Variants in ADAMTS12 observed in about 807,000 individuals in gnomAD.
ADAMTS12 encodes A disintegrin and metalloproteinase with thrombospondin motifs 12.
Under a neutral mutation model 167.8 loss-of-function variants are expected in ADAMTS12, and 118 were observed. The ratio of observed to expected loss-of-function variants is 0.70; its 90% CI spans 0.61 to 0.82. The LOEUF (loss-of-function observed/expected upper bound fraction) is 0.82. Ranked by LOEUF, ADAMTS12 falls within the 40% of genes least tolerant of loss-of-function variation. ADAMTS12 has a pLI of 0.00. For missense variants in ADAMTS12, 1,916 were observed against 1,998.8 expected (o/e 0.96, Z 0.79); for synonymous variants, 704 against 716.9 (o/e 0.98, Z 0.29).
chr5:33,839,756 G>A (rs1748673968), intron 2 of ADAMTS12, among the ~76,000 whole-genome samples: 1 of 152,074 alleles, frequency 6.6e-6, no homozygotes, highest in Non-Finnish European at 1.5e-5. Context: ...GTTGTATCGC[G>A]TTCTTCACTG....
At chr5:33,685,424 G>A (rs1301407893) in intron 3 of ADAMTS12, among the ~76,000 whole-genome samples, 1 of 152,166 alleles carries the variant, frequency 6.6e-6, no homozygotes, top group African/African-American at 2.4e-5. Flanking sequence ...ACCCTGAGTT[G>A]GGACAACTAA....
chr5:33,595,928 G>A lies in ADAMTS12; in HGVS notation c.2654+6C>T. On this transcript the variant is annotated splice_donor_region_variant and intron_variant, in intron 17 of 23. Coordinates refer to ENST00000504830, the MANE Select transcript of ADAMTS12 (RefSeq NM_030955.4). ...ACACAGAGCTCCAGCTGTTAGCGAT[G>A]GTTACCTGGGTGGACAAGCCTTTTC... The A allele has an allele frequency of 1.2e-6, 2 of 1,613,946 alleles. No homozygotes were observed. Among genetic ancestry groups the A allele is most frequent in the South Asian group, 1.1e-5 (1 of 91,036 alleles).
intron 7 of ADAMTS12, among the ~76,000 whole-genome samples, chr5:33,657,348 C>T (rs936704547): frequency 2.6e-5 from 4 of 152,160 alleles, no homozygotes; most frequent in Non-Finnish European, 5.9e-5. Flanking sequence ...GAGATCCAGG[C>T]TGGTGGATAC....
At chr5:33,874,954 G>C (rs186774241) in intron 2 of ADAMTS12, among the ~76,000 whole-genome samples, 2 of 152,106 alleles carry the variant, frequency 1.3e-5, no homozygotes, top group African/African-American at 4.8e-5. Context: ...TATAATCCTG[G>C]CTACTCGGGA....
chr5:33,869,570 G>A (rs571361726), intron 2 of ADAMTS12, among the ~76,000 whole-genome samples: 23 of 152,238 alleles, frequency 1.5e-4, no homozygotes, highest in African/African-American at 5.5e-4. Context: ...CAGGTTCTGT[G>A]ATGCCCCCTG....
At chr5:33,756,662 A>G (rs1745178454) in intron 2 of ADAMTS12, among the ~76,000 whole-genome samples, 1 of 152,120 alleles carries the variant, frequency 6.6e-6, no homozygotes, top group Non-Finnish European at 1.5e-5. Flanking sequence ...GAAGAGAGTG[A>G]CCAGTGATGT....
chr5:33,802,214 C>T (rs1343820127), intron 2 of ADAMTS12, among the ~76,000 whole-genome samples: 1 of 152,182 alleles, frequency 6.6e-6, no homozygotes, highest in Non-Finnish European at 1.5e-5. Flanking sequence ...AAGCCACTCA[C>T]ATATAGTATT....
At chr5:33,794,834 G>A (rs988429574) in intron 2 of ADAMTS12, among the ~76,000 whole-genome samples, 7 of 152,154 alleles carry the variant, frequency 4.6e-5, no homozygotes, top group Non-Finnish European at 8.8e-5. Context: ...AAAGTGGTAT[G>A]ATCTCCAGCA....
At chr5:33,838,646 C>T (rs879847462) in intron 2 of ADAMTS12, among the ~76,000 whole-genome samples, 7 of 152,106 alleles carry the variant, frequency 4.6e-5, no homozygotes, top group Admixed American at 2.0e-4. Flanking sequence ...CGTGCCACTG[C>T]GCTCCAGCCT....
intron 17 of ADAMTS12, among the ~76,000 whole-genome samples, chr5:33,591,369 T>A (rs1469850241): frequency 6.6e-6 from 1 of 152,208 alleles, no homozygotes; most frequent in Non-Finnish European, 1.5e-5. Flanking sequence ...ATTACTCAGA[T>A]AAATGAAAGT....
rs183388124 is a variant in ADAMTS12, at chr5:33,577,222, T to C, written c.2866-62A>G. 4.9e-4 allele frequency: 794 copies of C among 1,608,460 alleles called. 9 individuals carry two copies. The East Asian group carries it at 0.015, about 30-fold the overall frequency. On this transcript the variant is annotated intron_variant, in intron 18 of 23. Transcript: ENST00000504830. Reference sequence around the variant, plus strand: ...AGATGCTTTTATTCTCATGGTTAGGTCTATAACAGATCAAAACAGGCCTGA... The same window carrying C: ...AGATGCTTTTATTCTCATGGTTAGGCCTATAACAGATCAAAACAGGCCTGA...
At chr5:33,588,957 C>G in intron 17 of ADAMTS12, 148 bp from the exon 18 acceptor site, 1 of 941,832 alleles carries the variant, frequency 1.1e-6, no homozygotes, top group African/African-American at 1.7e-5. Context: ...GTGCTGCAGA[C>G]AGGGCCACCG....
In ADAMTS12 at chr5:33,619,067, G is replaced by A. The variant is rs112845170; in HGVS notation, c.2144-2995C>T. Among the ~76,000 whole-genome samples the A allele has an allele frequency of 4.4e-3, 663 of 152,272 alleles. 7 individuals are homozygous for A. Among genetic ancestry groups the A allele is most frequent in the African/African-American group, 0.015 (622 of 41,570 alleles). ...GCAAGTAGGTCACTTTGATGCCTTT[G>A]GTGCTGAGTTCATGGGTAGCCAGGG... On this transcript the variant is annotated intron_variant, in intron 14 of 23. Transcript: ENST00000504830.
At chr5:33,566,117 A>G (rs1397013767) in intron 19 of ADAMTS12, among the ~76,000 whole-genome samples, 1 of 152,154 alleles carries the variant, frequency 6.6e-6, no homozygotes, top group Non-Finnish European at 1.5e-5. Context: ...TGAAAATTCA[A>G]ATTTAACAGT....
intron 3 of ADAMTS12, among the ~76,000 whole-genome samples, chr5:33,689,457 C>T (rs996901869): frequency 1.3e-5 from 2 of 152,108 alleles, no homozygotes; most frequent in Non-Finnish European, 2.9e-5. Context: ...CCCAAACCAG[C>T]TGAGTCCTAG....
chr5:33,661,773 G>A, intron 6 of ADAMTS12, 143 bp downstream of exon 6: 4 of 1,149,650 alleles, frequency 3.5e-6, no homozygotes, highest in Non-Finnish European at 4.9e-6. Context: ...GGGAAGTCAG[G>A]AGTTGACTAG....
At chr5:33,625,713 G>A (rs1032367650) in intron 13 of ADAMTS12, among the ~76,000 whole-genome samples, 1 of 152,104 alleles carries the variant, frequency 6.6e-6, no homozygotes, top group Non-Finnish European at 1.5e-5. Flanking sequence ...AGGGTTGGGG[G>A]AAGGAGACAC....
chr5:33,866,357 TAATA>T (rs1178558988), intron 2 of ADAMTS12, among the ~76,000 whole-genome samples: 1 of 152,098 alleles, frequency 6.6e-6, no homozygotes, highest in Non-Finnish European at 1.5e-5. Flanking sequence ...ACATCCTGTT[TAATA>T]AATAAATGGT....
intron 2 of ADAMTS12, among the ~76,000 whole-genome samples, chr5:33,788,161 T>C (rs758715033): frequency 6.6e-6 from 1 of 152,212 alleles, no homozygotes; most frequent in Non-Finnish European, 1.5e-5. Flanking sequence ...TGTCCACAGA[T>C]GGCTCCTTCT....
Sources: allele counts gnomAD v4.1 joint callset (sites outside exome capture counted in the v4.1 genomes callset), GRCh38; gene constraint gnomAD v4.1.1; transcripts MANE v1.5; gene names NCBI Gene and HGNC (gene_info 2026-07-23, HGNC 2026-07-21).